Variants in CBLB observed in about 807,000 individuals in gnomAD.
CBLB encodes the protein Cbl proto-oncogene B.
A neutral mutation model predicts 104.9 loss-of-function variants in CBLB; 31 were observed. The ratio of observed to expected loss-of-function variants is 0.30; its 90% CI spans 0.22 to 0.40. The LOEUF is 0.40. CBLB is among the 10% of genes least tolerant of loss of function. The pLI, the probability that CBLB is intolerant of heterozygous loss-of-function variation, is 1.00. For missense variants in CBLB, 1,062 were observed against 1,214.6 expected (o/e 0.87, Z 1.87); for synonymous variants, 440 against 422.6 (o/e 1.04, Z -0.51).
At chr3:105,803,459 A>C (rs2083137835) in intron 3 of CBLB, among the ~76,000 whole-genome samples, 1 of 152,122 alleles carries the variant, frequency 6.6e-6, no homozygotes, top group African/African-American at 2.4e-5. Flanking sequence ...ATTTTCATGG[A>C]GTGGACCACC....
chr3:105,859,524 A>G (rs2091915987), intron 2 of CBLB, among the ~76,000 whole-genome samples: 1 of 151,980 alleles, frequency 6.6e-6, no homozygotes, highest in Admixed American at 6.6e-5. Context: ...GTGTGGTGGC[A>G]GGCGCCTGTA....
chr3:105,791,224 G>A (rs890869871), intron 3 of CBLB, among the ~76,000 whole-genome samples: 26 of 152,174 alleles, frequency 1.7e-4, no homozygotes, highest in African/African-American at 5.3e-4. Flanking sequence ...AGTGCACAGA[G>A]AAGAATGCAC....
intron 14 of CBLB, among the ~76,000 whole-genome samples, chr3:105,684,186 C>CT (rs2066699620): frequency 6.6e-6 from 1 of 152,114 alleles, no homozygotes; most frequent in African/African-American, 2.4e-5. Flanking sequence ...TGGAGAGATG[C>CT]TGGAATGTAG....
At chr3:105,729,288 C>T (rs1264073339) in intron 9 of CBLB, among the ~76,000 whole-genome samples, 3 of 151,978 alleles carry the variant, frequency 2.0e-5, no homozygotes, top group Non-Finnish European at 4.4e-5. Flanking sequence ...CTTCTTGGAG[C>T]TAAGGATTGT....
intron 12 of CBLB, among the ~76,000 whole-genome samples, chr3:105,696,233 A>G (rs1019603614): frequency 2.6e-5 from 4 of 151,752 alleles, no homozygotes; most frequent in Admixed American, 1.3e-4. Context: ...AGATTGAGAT[A>G]GCAAAGGACC....
chr3:105,702,474 G>GATA lies in CBLB; in HGVS notation c.1594-16_1594-15insTAT. ...CAAGGAGAAGACTAAAGAAACAGAA[G>GATA]AGAAAAAAAAAAAAAAAAAAAAAAA... On this transcript the variant is annotated splice_polypyrimidine_tract_variant and intron_variant, in intron 11 of 18. Transcript: ENST00000394030. 8.5e-5 allele frequency: 14 copies of GATA among 165,356 alleles called. No homozygotes were observed. Among genetic ancestry groups the GATA allele is most frequent in the African/African-American group, 4.0e-4 (3 of 7,412 alleles). The allele number at this position is 165,356 out of a possible 1,614,324, so 10.2% of individuals were successfully genotyped here. A position where few individuals can be genotyped will look rare whatever the true frequency, so the allele number is the denominator to read the frequency against.
intron 3 of CBLB, among the ~76,000 whole-genome samples, chr3:105,834,599 T>C (rs2088138699): frequency 6.6e-6 from 1 of 152,068 alleles, no homozygotes; most frequent in African/African-American, 2.4e-5. Context: ...GAGCTTGCAG[T>C]GAGACAAGAT....
chr3:105,848,033 C>T (rs762865209), intron 3 of CBLB, among the ~76,000 whole-genome samples: 12 of 152,062 alleles, frequency 7.9e-5, no homozygotes, highest in Non-Finnish European at 1.5e-4. Flanking sequence ...CACACATACA[C>T]ATGCAAGCTT....
At chr3:105,749,631 T>C (rs1191378844) in intron 5 of CBLB, 1 of 164,822 alleles carries the variant, frequency 6.1e-6, no homozygotes, top group African/African-American at 2.4e-5. Context: ...CTTCCTAGAA[T>C]GAGCAGTTAG....
chr3:105,837,601 G>A (rs1230009135), intron 3 of CBLB, among the ~76,000 whole-genome samples: 2 of 152,044 alleles, frequency 1.3e-5, no homozygotes, highest in African/African-American at 4.8e-5. Context: ...GTAGCTACAA[G>A]GACACTCCAT....
chr3:105,673,685 C>T (rs2065308594), intron 17 of CBLB: 1 of 152,184 alleles, frequency 6.6e-6, no homozygotes, highest in Admixed American at 6.5e-5. Context: ...TTTAAATCCT[C>T]CAGTGTCAGA....
intron 3 of CBLB, among the ~76,000 whole-genome samples, chr3:105,829,658 G>A (rs2087135223): frequency 1.1e-5 from 1 of 89,540 alleles, no homozygotes; most frequent in African/African-American, 4.6e-5. Context: ...GACACAGCAA[G>A]ACCGTCCCAA....
chr3:105,778,331 AAATAAT>A lies in CBLB; in HGVS notation c.420-1795_420-1790del, dbSNP rs552633156. Among the ~76,000 whole-genome samples the A allele has an allele frequency of 9.2e-5, 14 of 152,280 alleles. No homozygotes were observed. In the South Asian group the frequency reaches 1.2e-3, roughly 14 times the overall value. ...CATGTATCTGTGTTTAATAACTGTC[AAATAAT>A]AATAATAACTCATGTTTTTTACCAA... On this transcript the variant is annotated intron_variant, in intron 3 of 18. Coordinates refer to ENST00000394030, the MANE Select transcript of CBLB (RefSeq NM_170662.5).
intron 4 of CBLB, among the ~76,000 whole-genome samples, chr3:105,759,121 C>G (rs1381919082): frequency 6.6e-6 from 1 of 152,184 alleles, no homozygotes. Context: ...GAACAGCACT[C>G]AGGAAACCCA....
chr3:105,708,162 C>T (rs1033227068), intron 10 of CBLB, among the ~76,000 whole-genome samples: 3 of 152,106 alleles, frequency 2.0e-5, no homozygotes, highest in Non-Finnish European at 4.4e-5. Flanking sequence ...AGTTCTAATC[C>T]CCAGCTCAAA....
intron 3 of CBLB, among the ~76,000 whole-genome samples, chr3:105,811,933 A>T (rs2084365529): frequency 6.6e-6 from 1 of 152,022 alleles, no homozygotes; most frequent in South Asian, 2.1e-4. Context: ...TGAACTCCTG[A>T]TCTCAGGTGA....
intron 3 of CBLB, among the ~76,000 whole-genome samples, chr3:105,847,603 C>T (rs1315117221): frequency 3.1e-5 from 1 of 32,764 alleles, no homozygotes; most frequent in African/African-American, 1.2e-4. Flanking sequence ...ATTTTTTCCA[C>T]CTCAGTTGAC....
At chr3:105,728,785 T>C (rs1037973635) in intron 9 of CBLB, among the ~76,000 whole-genome samples, 1 of 152,142 alleles carries the variant, frequency 6.6e-6, no homozygotes, top group Admixed American at 6.5e-5. Flanking sequence ...ATAACACAGA[T>C]GTTTCAGAAA....
At chr3:105,808,857 A>G (rs1212685108) in intron 3 of CBLB, among the ~76,000 whole-genome samples, 3 of 152,218 alleles carry the variant, frequency 2.0e-5, no homozygotes, top group African/African-American at 7.2e-5. Flanking sequence ...GAAAAATGCA[A>G]GAGTATATTC....
Sources: gnomAD v4.1 joint callset for allele counts (sites outside exome capture counted in the v4.1 genomes callset) on GRCh38, gnomAD v4.1.1 for gene constraint, MANE v1.5 for transcripts, NCBI Gene and HGNC (gene_info 2026-07-23, HGNC 2026-07-21) for gene names.